Variants in TMPRSS15 observed in about 807,000 individuals in gnomAD.
TMPRSS15 encodes transmembrane serine protease 15, also known as enteropeptidase.
TMPRSS15 carries 128 observed loss-of-function variants against 125.3 expected under a neutral mutation model. The ratio of observed to expected loss-of-function variants is 1.02; its 90% CI spans 0.89 to 1.18. The LOEUF is 1.18. Among genes scored for constraint, TMPRSS15 ranks in the 50% most tolerant of loss-of-function variants. The probability of loss-of-function intolerance (pLI) is 0.00; values close to 1 mark genes in which losing one functional copy is unlikely to be tolerated. For synonymous variants in TMPRSS15, 446 were observed against 423.2 expected, an observed-to-expected ratio of 1.05 and a Z score of -0.66; for missense variants, 1,283 against 1,212.7, an observed-to-expected ratio of 1.06 and a Z score of -0.86.
intron 1 of TMPRSS15, among the ~76,000 whole-genome samples, chr21:18,475,638 A>T (rs552939931): frequency 6.6e-6 from 1 of 152,284 alleles, no homozygotes; most frequent in East Asian, 1.9e-4. Context: ...CAGTCATTTC[A>T]AAAAGAGGGA....
At chr21:18,366,367 A>G (rs1025317858) in intron 6 of TMPRSS15, among the ~76,000 whole-genome samples, 3 of 152,200 alleles carry the variant, frequency 2.0e-5, no homozygotes, top group South Asian at 4.1e-4. Context: ...AATGTTTTCT[A>G]TATTTTCATT....
chr21:18,353,419 A>C (rs1399251571), intron 9 of TMPRSS15, among the ~76,000 whole-genome samples: 1 of 151,814 alleles, frequency 6.6e-6, no homozygotes, highest in African/African-American at 2.4e-5. Flanking sequence ...TTTATGTAGA[A>C]TTTTCTCTGA....
chr21:18,325,072 C>CCACACA (rs150514804), intron 16 of TMPRSS15, among the ~76,000 whole-genome samples: 2 of 149,416 alleles, frequency 1.3e-5, no homozygotes, highest in African/African-American at 4.9e-5. Context: ...TAAATTCTCG[C>CCACACA]CACACACACA....
chr21:18,476,585 C>T (rs1038954715), intron 1 of TMPRSS15, among the ~76,000 whole-genome samples: 1 of 152,128 alleles, frequency 6.6e-6, no homozygotes, highest in African/African-American at 2.4e-5. Context: ...TATTGGGCAT[C>T]TCTGTGTTTA....
intron 18 of TMPRSS15, among the ~76,000 whole-genome samples, chr21:18,300,208 C>T (rs200122559): frequency 4.6e-3 from 228 of 49,646 alleles, no homozygotes; most frequent in Middle Eastern, 8.3e-3. Context: ...CTCTTTCTTT[C>T]TTTTTCTTTC....
Position 18,294,451 on chromosome 21 carries a change from A to G in TMPRSS15, c.2312-7T>C, listed in dbSNP as rs1424320257. 1.2e-6 allele frequency: 2 copies of G among 1,614,172 alleles called. No homozygotes were observed. ...GCCAGTTTTTTTCCACAAGCTATTA[A>G]AATAATTGGAGAAAGAGCATCTATT... is the stretch of plus-strand genomic sequence containing the variant. On this transcript the variant is annotated splice_polypyrimidine_tract_variant and splice_region_variant and intron_variant, in intron 20 of 24. Transcript: ENST00000284885.
intron 23 of TMPRSS15, among the ~76,000 whole-genome samples, chr21:18,276,799 C>T (rs2074627566): frequency 6.8e-6 from 1 of 147,306 alleles, no homozygotes; most frequent in African/African-American, 2.5e-5. Context: ...AGCTCTTGTC[C>T]TCCAGGCTGG....
chr21:18,396,958 T>C (rs2076047281), intron 3 of TMPRSS15, among the ~76,000 whole-genome samples: 1 of 152,066 alleles, frequency 6.6e-6, no homozygotes, highest in African/African-American at 2.4e-5. Flanking sequence ...AATATTGTCT[T>C]TCTTTCTGTG....
At chr21:18,402,936 T>C (rs1319455568) in intron 1 of TMPRSS15, among the ~76,000 whole-genome samples, 1 of 152,226 alleles carries the variant, frequency 6.6e-6, no homozygotes, top group East Asian at 1.9e-4. Flanking sequence ...TTTTTCTGTT[T>C]ATCGGAGTTG....
intron 23 of TMPRSS15, 63 bp downstream of exon 23, chr21:18,278,901 A>ACAGTCTGTTT (rs2074653253): frequency 4.6e-6 from 4 of 862,796 alleles, no homozygotes; most frequent in Non-Finnish European, 7.4e-6. Context: ...GGATATTATG[A>ACAGTCTGTTT]CAGTCTGTTT....
chr21:18,271,587 T>TTTC (rs1236761280), intron 24 of TMPRSS15, among the ~76,000 whole-genome samples: 2 of 152,092 alleles, frequency 1.3e-5, no homozygotes, highest in African/African-American at 2.4e-5. Flanking sequence ...TTACCTTAAT[T>TTTC]TTCTTTTCTT....
At chr21:18,278,817 T>C in intron 23 of TMPRSS15, 147 bp downstream of exon 23, 1 of 583,046 alleles carries the variant, frequency 1.7e-6, no homozygotes, top group South Asian at 2.0e-5. Context: ...TATATGTACA[T>C]GCTTGACGGT....
chr21:18,400,553 T>C (rs1233153961), intron 1 of TMPRSS15, among the ~76,000 whole-genome samples: 2 of 152,128 alleles, frequency 1.3e-5, no homozygotes, highest in African/African-American at 2.4e-5. Context: ...ACTGGATCCC[T>C]ACCTTTCACC....
intron 1 of TMPRSS15, among the ~76,000 whole-genome samples, chr21:18,413,046 T>C (rs1197277719): frequency 6.6e-6 from 1 of 152,236 alleles, no homozygotes; most frequent in African/African-American, 2.4e-5. Flanking sequence ...AACTGAATTT[T>C]ACCTGTGCAC....
rs191886783 is a variant in TMPRSS15 at position 18,481,523 on chromosome 21, C to T, written c.10+4276G>A. 1.5e-3 allele frequency among the ~76,000 whole-genome samples: 221 copies of T among 151,666 alleles called. 1 individual carries two copies. The highest frequency in any genetic ancestry group is 4.2e-3 in the South Asian group (20 of 4,818). ...TGATGCATGCTTGATGTCAGGGGCACGGGGCATTGCACGTTAAACTTTGTA... is the reference window on the plus strand; with the variant it reads ...TGATGCATGCTTGATGTCAGGGGCATGGGGCATTGCACGTTAAACTTTGTA... On this transcript the variant is annotated intron_variant, in intron 1 of 7. Transcript: ENST00000422787.
chr21:18,392,967 C>T (rs112553152), intron 3 of TMPRSS15, among the ~76,000 whole-genome samples: 423 of 152,152 alleles, frequency 2.8e-3, no homozygotes, highest in African/African-American at 9.5e-3. Context: ...CTCAACATGT[C>T]GGGATTACAA....
At chr21:18,438,769 A>G (rs2076234969) in intron 1 of TMPRSS15, among the ~76,000 whole-genome samples, 1 of 152,352 alleles carries the variant, frequency 6.6e-6, no homozygotes, top group Non-Finnish European at 1.5e-5. Context: ...CAAAGTGTAT[A>G]TGCTTGTATG....
intron 18 of TMPRSS15, among the ~76,000 whole-genome samples, chr21:18,302,766 C>A (rs1326797166): frequency 6.6e-6 from 1 of 152,166 alleles, no homozygotes; most frequent in Admixed American, 6.5e-5. Flanking sequence ...CTCCTTCCTA[C>A]CAAAAATACG....
At chr21:18,418,995 G>A (rs1051685409) in intron 1 of TMPRSS15, among the ~76,000 whole-genome samples, 1 of 152,140 alleles carries the variant, frequency 6.6e-6, no homozygotes, top group Non-Finnish European at 1.5e-5. Context: ...GAGCCAGGGG[G>A]AAAAATCACT....
Sources: allele counts gnomAD v4.1 joint callset (sites outside exome capture counted in the v4.1 genomes callset), GRCh38; gene constraint gnomAD v4.1.1; transcripts MANE v1.5; gene names NCBI Gene and HGNC (gene_info 2026-07-23, HGNC 2026-07-21).